Variants in MDN1 observed in about 807,000 individuals in gnomAD.
MDN1 encodes the protein midasin AAA ATPase 1.
A neutral mutation model predicts 669.2 loss-of-function variants in MDN1; 266 were observed. The ratio of observed to expected loss-of-function variants is 0.40; its 90% confidence interval spans 0.36 to 0.44. The LOEUF (loss-of-function observed/expected upper bound fraction) is 0.44, where lower values mean the gene tolerates loss of function less well. Ranked by LOEUF, MDN1 falls within the 20% of genes least tolerant of loss-of-function variation. MDN1 has a pLI of 1.00. For missense variants in MDN1, 5,940 were observed against 6,754.0 expected (o/e 0.88, Z 4.22); for synonymous variants, 2,385 against 2,457.1 (o/e 0.97, Z 0.87).
chr6:89,686,034 C>A, intron 69 of MDN1, 61 bp from the exon 70 acceptor site: 1 of 1,529,246 alleles, frequency 6.5e-7, no homozygotes, highest in Non-Finnish European at 8.9e-7. Flanking sequence ...CTATTCCTAA[C>A]ATGCACGCAA....
At position 89,719,185 on chromosome 6, in the gene MDN1, T is replaced by A; in HGVS notation, c.6008A>T (p.Asn2003Ile). The A allele has an allele frequency of 6.2e-7, 1 of 1,613,958 alleles. No individual in the cohort carries two copies. The highest frequency in any genetic ancestry group is 2.2e-5 in the East Asian group (1 of 44,878). ...VFKDVFGSNS[N>I]PYMGTRLFRI... ...AAATAGTCTGGTTCCCATGTATGGGTTGGAATTTGAACCAAACACATCCTT... is the reference window on the plus strand; with the variant it reads ...AAATAGTCTGGTTCCCATGTATGGGATGGAATTTGAACCAAACACATCCTT... Residue 2003 changes from asparagine to isoleucine, a missense_variant, in exon 41 of 102, where the codon AAC becomes ATC. Physicochemically the swap from Asn to Ile is moderately radical, Grantham distance 149. Transcript: ENST00000369393.
At chr6:89,792,031 C>T (rs1257867852) in intron 5 of MDN1, among the ~76,000 whole-genome samples, 2 of 151,824 alleles carry the variant, frequency 1.3e-5, no homozygotes, top group East Asian at 1.9e-4. Flanking sequence ...CCAAGCCCGG[C>T]TAATTTTTTT....
intron 8 of MDN1, among the ~76,000 whole-genome samples, chr6:89,786,014 C>T (rs1186607412): frequency 1.3e-5 from 2 of 151,932 alleles, no homozygotes; most frequent in South Asian, 4.2e-4. Flanking sequence ...CACCTCCCAG[C>T]ACTTTGGGAG....
At chr6:89,792,763 G>A (rs1946169563) in intron 5 of MDN1, among the ~76,000 whole-genome samples, 1 of 151,958 alleles carries the variant, frequency 6.6e-6, no homozygotes, top group African/African-American at 2.4e-5. Context: ...AAAAGTGGGT[G>A]GCCTGGGTGT....
chr6:89,795,682 G>C (rs1819548962), intron 2 of MDN1, among the ~76,000 whole-genome samples: 1 of 150,756 alleles, frequency 6.6e-6, no homozygotes, highest in Admixed American at 6.8e-5. Flanking sequence ...GGCTGGGTGT[G>C]GTGGCTCACA....
intron 37 of MDN1, 89 bp from the exon 38 acceptor site, chr6:89,725,485 T>G: frequency 9.2e-7 from 1 of 1,090,440 alleles, no homozygotes; most frequent in East Asian, 2.5e-5. Flanking sequence ...CAAATAAAGC[T>G]AGAGTTATCT....
rs148635106 is a variant in MDN1, at chr6:89,740,695, T to A, written c.4449-317A>T. ...AGCCAACTACTAGAAAGAACTCAAA[T>A]ATCATTGACTGGTGAATGGATAAAC... On this transcript the variant is annotated intron_variant, in intron 31 of 101. Transcript: ENST00000369393. Among the ~76,000 whole-genome samples the A allele has an allele frequency of 2.2e-3, 340 of 152,292 alleles. 1 individual carries two copies. Among genetic ancestry groups the A allele is most frequent in the African/African-American group, 7.9e-3 (328 of 41,556 alleles).
In MDN1 at chr6:89,819,617, C is replaced by T. The variant is rs747146492; in HGVS notation, c.-10G>A. 13 of 1,599,352 alleles carry T rather than the reference C, an allele frequency of 8.1e-6. No individual in the cohort carries two copies. In the African/African-American group the frequency reaches 1.3e-4, roughly 16 times the overall value. On this transcript the variant is annotated 5_prime_UTR_variant, in exon 1 of 102. Coordinates refer to ENST00000369393, the MANE Select transcript of MDN1 (RefSeq NM_014611.3). ...GCAAGAAGTGCTCCATGACCCAGGG[C>T]CCTCACCCCGAGCGGCCACCTGCGC...
chr6:89,655,510 T>A (rs1809192343), intron 92 of MDN1, among the ~76,000 whole-genome samples: 1 of 152,232 alleles, frequency 6.6e-6, no homozygotes. Flanking sequence ...TGGTTACAGA[T>A]ACCTTTGTAC....
At chr6:89,789,589 CA>C (rs896619283) in intron 7 of MDN1, among the ~76,000 whole-genome samples, 190 bp downstream of exon 7, 1 of 152,142 alleles carries the variant, frequency 6.6e-6, no homozygotes, top group African/African-American at 2.4e-5. Flanking sequence ...AAATCTCTAT[CA>C]AACAAGAAAC....
intron 25 of MDN1, 39 bp downstream of exon 25, chr6:89,749,504 G>A: frequency 1.2e-6 from 2 of 1,605,518 alleles, no homozygotes; most frequent in South Asian, 1.1e-5. Context: ...ACTATCTGAT[G>A]TGTTAACAAA....
Position 89,655,911 on chromosome 6 carries a change from C to T in MDN1, c.15343G>A (p.Glu5115Lys), listed in dbSNP as rs1283113097. ...GTCCTCAGCCTCTTGTGCACACGCT[C>T]ATTGTGATCACCCATGGAACGTTCA... ...DNERSMGDHN[E>K]RVHKRLRTVD... The change falls in exon 92 of 102, where the codon GAG becomes AAG. Residue 5115 changes from glutamate (E) to lysine (K), a missense_variant. Coordinates refer to ENST00000369393, the MANE Select transcript of MDN1 (RefSeq NM_014611.3). 6.2e-7 allele frequency: 1 copy of T among 1,614,004 alleles called. No individual in the cohort carries two copies. The highest frequency in any genetic ancestry group is 1.3e-5 in the African/African-American group (1 of 74,932).
Position 89,772,593 on chromosome 6 carries a change from T to G in MDN1, c.2063A>C (p.Gln688Pro), listed in dbSNP as rs1291098408. Residue 688 changes from glutamine to proline, a missense_variant, in exon 14 of 102, where the codon CAA becomes CCA. Transcript: ENST00000369393. ...ETGTGKTSTI[Q>P]YLAHITGHRL... ...ATTACCTGTAATGTGAGCCAAGTAT[T>G]GGATGGTAGAGGTTTTGCCAGTCCC... The G allele has an allele frequency of 6.2e-7, 1 of 1,613,988 alleles. No homozygotes were observed. Among genetic ancestry groups the G allele is most frequent in the Non-Finnish European group, 8.5e-7 (1 of 1,180,022 alleles).
intron 95 of MDN1, among the ~76,000 whole-genome samples, chr6:89,651,818 C>T (rs1808892446): frequency 6.6e-6 from 1 of 152,176 alleles, no homozygotes; most frequent in Admixed American, 6.5e-5. Context: ...AATAAGACTG[C>T]TGGTTAATCC....
intron 1 of MDN1, among the ~76,000 whole-genome samples, chr6:89,810,449 A>G (rs113531417): frequency 2.6e-5 from 4 of 152,100 alleles, no homozygotes; most frequent in African/African-American, 9.7e-5. Context: ...AACACAAAAC[A>G]AAACAAAAAA....
At chr6:89,720,662 T>C (rs1344556343) in intron 40 of MDN1, among the ~76,000 whole-genome samples, 1 of 152,178 alleles carries the variant, frequency 6.6e-6, no homozygotes, top group Admixed American at 6.6e-5. Context: ...TGTGTTTTGG[T>C]CATAATTAAT....
rs1809931857 is a variant in MDN1, at chr6:89,663,198, G to A, written c.14237-231C>T. 2.0e-5 allele frequency among the ~76,000 whole-genome samples: 3 copies of A among 152,332 alleles called. No individual in the cohort carries two copies. In the South Asian group the frequency reaches 6.2e-4, roughly 32 times the overall value. On this transcript the variant is annotated intron_variant, in intron 85 of 101. Transcript: ENST00000369393. ...ATAATGTGTGAACAGATGGTAAAAAGAGTAAGGAAATACCTATGAGGATGT... is the reference window on the plus strand; with the variant it reads ...ATAATGTGTGAACAGATGGTAAAAAAAGTAAGGAAATACCTATGAGGATGT...
chr6:89,806,866 C>T (rs995167479), intron 1 of MDN1, among the ~76,000 whole-genome samples: 29 of 151,186 alleles, frequency 1.9e-4, no homozygotes, highest in African/African-American at 7.1e-4. Flanking sequence ...CTGCACTAAG[C>T]CATGATCGTG....
chr6:89,705,558 C>T (rs1027511004), intron 53 of MDN1, among the ~76,000 whole-genome samples: 1 of 152,116 alleles, frequency 6.6e-6, no homozygotes, highest in African/African-American at 2.4e-5. Context: ...TACTACTCAG[C>T]AATAAAGAGG....
Sources: allele counts gnomAD v4.1 joint callset (sites outside exome capture counted in the v4.1 genomes callset), GRCh38; gene constraint gnomAD v4.1.1; transcripts MANE v1.5; gene names NCBI Gene and HGNC (gene_info 2026-07-23, HGNC 2026-07-21).